The following PLPPR5 variants were observed in gnomAD, a reference collection of about 807,000 sequenced individuals.
PLPPR5 encodes the protein phospholipid phosphatase-related protein type 5.
A neutral mutation model predicts 33.9 loss-of-function variants in PLPPR5; 16 were observed. That is an observed-to-expected ratio of 0.47 (90% confidence interval 0.32 to 0.72). PLPPR5 has a LOEUF of 0.72. PLPPR5 is among the 30% of genes least tolerant of loss of function. The pLI is 0.03. For missense variants in PLPPR5, 301 were observed against 406.7 expected (o/e 0.74, Z 2.23); for synonymous variants, 163 against 150.3 (o/e 1.08, Z -0.62).
intron 3 of PLPPR5, among the ~76,000 whole-genome samples, chr1:98,950,855 T>G (rs1206292864): frequency 1.3e-5 from 2 of 151,978 alleles, no homozygotes; most frequent in East Asian, 1.9e-4. Flanking sequence ...GGCTGAGGTT[T>G]TGCTTATTTT....
At chr1:98,943,454 G>C (rs1381781561) in intron 3 of PLPPR5, among the ~76,000 whole-genome samples, 1 of 152,150 alleles carries the variant, frequency 6.6e-6, no homozygotes, top group Non-Finnish European at 1.5e-5. Context: ...ACCTGAATTA[G>C]TGTCATCACG....
chr1:98,975,307 T>C (rs145358145), intron 1 of PLPPR5, among the ~76,000 whole-genome samples: 367 of 152,210 alleles, frequency 2.4e-3, no homozygotes, highest in South Asian at 0.019. Flanking sequence ...CTTCTTTGCA[T>C]AAAGTATTCA....
chr1:98,966,026 G>C lies in PLPPR5; in HGVS notation c.238-9285C>G, dbSNP rs191084363. Among the ~76,000 whole-genome samples the C allele has an allele frequency of 2.0e-5, 3 of 152,260 alleles. No homozygotes were observed. In the East Asian group the frequency reaches 5.8e-4, roughly 29 times the overall value. ...TGAATGTGTGAATCCAGTGAAATGT[G>C]GGGTTTTATTTGTTACAGAAACTGG... On this transcript the variant is annotated intron_variant, in intron 1 of 5. Transcript: ENST00000263177.
At chr1:98,926,683 T>G (rs182160654) in intron 3 of PLPPR5, among the ~76,000 whole-genome samples, 1 of 152,200 alleles carries the variant, frequency 6.6e-6, no homozygotes. Flanking sequence ...TTTTGAACTT[T>G]TATGCTGGCA....
chr1:98,921,838 A>C (rs1037199117), intron 4 of PLPPR5, 44 bp downstream of exon 4: 2 of 1,494,520 alleles, frequency 1.3e-6, no homozygotes, highest in African/African-American at 1.4e-5. Flanking sequence ...TGATTATGCA[A>C]GTTAATTAAA....
At chr1:98,936,008 T>C (rs79153670) in intron 3 of PLPPR5, among the ~76,000 whole-genome samples, 1,939 of 152,258 alleles carry the variant, frequency 0.013, 43 homozygotes, top group African/African-American at 0.044. Flanking sequence ...TGGAATGAAG[T>C]AGTTCTGAGA....
In PLPPR5 at chr1:98,890,892, G is replaced by A. The variant is rs1022840694; in HGVS notation, c.*2180C>T. ...TGAAGAATTTAAAACTCCTGCATTC[G>A]TATCAGGTTTAGCAAGGTGCAAAGA... On this transcript the variant is annotated 3_prime_UTR_variant, in exon 6 of 6. Transcript: ENST00000263177. 5 of 152,230 alleles carry A rather than the reference G, an allele frequency of 3.3e-5. No individual in the cohort carries two copies. In the South Asian group the frequency reaches 6.2e-4, roughly 19 times the overall value. The allele number at this position is 152,230 out of a possible 1,614,324, so 9.4% of individuals were successfully genotyped here. A position where few individuals can be genotyped will look rare whatever the true frequency, so the allele number is the denominator to read the frequency against.
At chr1:98,943,174 A>C (rs1185908936) in intron 3 of PLPPR5, among the ~76,000 whole-genome samples, 1 of 152,194 alleles carries the variant, frequency 6.6e-6, no homozygotes, top group Non-Finnish European at 1.5e-5. Flanking sequence ...ATGGGAATGT[A>C]TGACATGAGG....
intron 3 of PLPPR5, among the ~76,000 whole-genome samples, chr1:98,948,102 A>G (rs1650628959): frequency 6.6e-6 from 1 of 152,168 alleles, no homozygotes; most frequent in Admixed American, 6.5e-5. Context: ...GACCAGTCTC[A>G]TGAAATCACC....
intron 5 of PLPPR5, among the ~76,000 whole-genome samples, chr1:98,896,376 A>T (rs1420128902): frequency 1.3e-5 from 2 of 152,114 alleles, no homozygotes; most frequent in Non-Finnish European, 2.9e-5. Context: ...AATTCTGAAT[A>T]TGCAATACTA....
intron 5 of PLPPR5, among the ~76,000 whole-genome samples, chr1:98,906,155 A>AGTGTGTGTATATATATATAGT (rs1648887409): frequency 2.6e-5 from 4 of 151,194 alleles, no homozygotes; most frequent in African/African-American, 9.7e-5. Flanking sequence ...GTATATACAC[A>AGTGTGTGTATATATATATAGT]GTGTGTGTAT....
intron 3 of PLPPR5, among the ~76,000 whole-genome samples, chr1:98,942,005 T>TAC (rs1032553140): frequency 1.3e-5 from 2 of 150,402 alleles, no homozygotes; most frequent in African/African-American, 4.9e-5. Flanking sequence ...TATATATATA[T>TAC]ATACACATAT....
intron 3 of PLPPR5, among the ~76,000 whole-genome samples, chr1:98,925,500 A>G (rs58657508): frequency 0.021 from 3,136 of 152,334 alleles, 35 homozygotes; most frequent in African/African-American, 0.028. Flanking sequence ...TTATACAAAT[A>G]TATACAATAA....
chr1:98,982,169 C>T (rs567042850), intron 1 of PLPPR5, among the ~76,000 whole-genome samples: 1 of 152,166 alleles, frequency 6.6e-6, no homozygotes, highest in Non-Finnish European at 1.5e-5. Context: ...TCTGAATGCA[C>T]CATGAGAACA....
At chr1:99,001,739 A>G (rs1652859690) in intron 1 of PLPPR5, among the ~76,000 whole-genome samples, 1 of 146,174 alleles carries the variant, frequency 6.8e-6, no homozygotes. Context: ...AAAATGTAAA[A>G]GAGACTATTT....
rs115921060 is a variant in PLPPR5, at chr1:99,000,280, A to G, written c.237+4155T>C. ...TTGAAGTAATATTAGACAATGCAAA[A>G]TAAACTTGGAGATGAAGAGTTTGAA... On this transcript the variant is annotated intron_variant, in intron 1 of 5. Coordinates refer to ENST00000263177, the MANE Select transcript of PLPPR5 (RefSeq NM_001037317.2). Among the ~76,000 whole-genome samples, 1,379 of 152,342 alleles carry G rather than the reference A, an allele frequency of 9.1e-3. 16 individuals are homozygous for G. Among genetic ancestry groups the G allele is most frequent in the Middle Eastern group, 0.014 (4 of 294 alleles).
chr1:98,913,140 C>G (rs1649214461), intron 5 of PLPPR5, among the ~76,000 whole-genome samples: 1 of 152,176 alleles, frequency 6.6e-6, no homozygotes, highest in African/African-American at 2.4e-5. Context: ...ATCCCTCTGT[C>G]ATACAAGAGC....
intron 3 of PLPPR5, among the ~76,000 whole-genome samples, chr1:98,924,515 A>T (rs1649680593): frequency 6.6e-6 from 1 of 152,182 alleles, no homozygotes; most frequent in South Asian, 2.1e-4. Flanking sequence ...GTAAGGCTAC[A>T]TCTATGCTCT....
At chr1:98,960,222 G>C (rs1249990202) in intron 1 of PLPPR5, among the ~76,000 whole-genome samples, 2 of 151,414 alleles carry the variant, frequency 1.3e-5, no homozygotes, top group Non-Finnish European at 2.9e-5. Flanking sequence ...TTATTATTTT[G>C]AGATGAAGTC....
Sources: gnomAD v4.1 joint callset for allele counts (sites outside exome capture counted in the v4.1 genomes callset) on GRCh38, gnomAD v4.1.1 for gene constraint, MANE v1.5 for transcripts, NCBI Gene and HGNC (gene_info 2026-07-23, HGNC 2026-07-21) for gene names.